Variants in CCDC172 observed in about 807,000 individuals in gnomAD.
CCDC172 encodes the protein coiled-coil domain-containing protein 172.
In CCDC172, 30 loss-of-function variants were observed where a neutral mutation model predicts 38.0. The observed-to-expected ratio is 0.79, with a 90% CI of 0.59 to 1.07. The LOEUF (loss-of-function observed/expected upper bound fraction) is 1.07. CCDC172 is among the 50% of genes least tolerant of loss of function. The probability of loss-of-function intolerance (pLI) is 0.00; values close to 1 mark genes in which losing one functional copy is unlikely to be tolerated. For synonymous variants in CCDC172, 78 were observed against 88.3 expected, an observed-to-expected ratio of 0.88 and a Z score of 0.66; for missense variants, 297 against 290.1, an observed-to-expected ratio of 1.02 and a Z score of -0.17.
chr10:116,361,137 G>A (rs1011063248), intron 7 of CCDC172, among the ~76,000 whole-genome samples: 6 of 150,588 alleles, frequency 4.0e-5, no homozygotes, highest in South Asian at 2.1e-4. Flanking sequence ...GGCATGCACC[G>A]CCACGCCTGA....
chr10:116,353,009 T>A (rs957959449), intron 5 of CCDC172, among the ~76,000 whole-genome samples: 1 of 152,054 alleles, frequency 6.6e-6, no homozygotes, highest in East Asian at 1.9e-4. Context: ...CTGGCTAACA[T>A]GGTGAAACCC....
chr10:116,373,522 T>G (rs1845211209), intron 7 of CCDC172, among the ~76,000 whole-genome samples: 1 of 152,220 alleles, frequency 6.6e-6, no homozygotes, highest in Non-Finnish European at 1.5e-5. Flanking sequence ...TTTATTTTTT[T>G]GAGACACAGT....
At chr10:116,368,596 CT>C (rs535783835) in intron 7 of CCDC172, among the ~76,000 whole-genome samples, 9 of 152,064 alleles carry the variant, frequency 5.9e-5, no homozygotes, top group Middle Eastern at 3.4e-3. Context: ...TTAAAAACCA[CT>C]TTTTTTCTGG....
At chr10:116,332,587 T>G (rs1431104500) in intron 3 of CCDC172, among the ~76,000 whole-genome samples, 1 of 152,182 alleles carries the variant, frequency 6.6e-6, no homozygotes, top group Non-Finnish European at 1.5e-5. Flanking sequence ...AGCACTATTA[T>G]ATTCTGAAAT....
At chr10:116,361,817 G>A (rs955226312) in intron 7 of CCDC172, among the ~76,000 whole-genome samples, 2 of 152,020 alleles carry the variant, frequency 1.3e-5, no homozygotes, top group African/African-American at 4.8e-5. Flanking sequence ...AACTCAATAT[G>A]GTATTAACAT....
chr10:116,325,883 T>C (rs1397587727), intron 3 of CCDC172, among the ~76,000 whole-genome samples: 1 of 152,212 alleles, frequency 6.6e-6, no homozygotes, highest in Non-Finnish European at 1.5e-5. Context: ...GCAGCGTTTG[T>C]AATGTTCTGT....
chr10:116,374,420 T>C (rs570134360), intron 7 of CCDC172, among the ~76,000 whole-genome samples: 14 of 152,234 alleles, frequency 9.2e-5, no homozygotes, highest in African/African-American at 2.9e-4. Flanking sequence ...TCATAATTGT[T>C]CTATTTTATT....
intron 3 of CCDC172, among the ~76,000 whole-genome samples, chr10:116,329,045 A>G (rs1844624938): frequency 1.3e-5 from 2 of 152,198 alleles, no homozygotes; most frequent in African/African-American, 2.4e-5. Flanking sequence ...AATAAATTAT[A>G]TAACACCTTC....
chr10:116,329,433 T>C (rs1844630210), intron 3 of CCDC172, among the ~76,000 whole-genome samples: 1 of 152,100 alleles, frequency 6.6e-6, no homozygotes, highest in Admixed American at 6.6e-5. Flanking sequence ...TTAGCTGTTA[T>C]TCTGTCATGC....
chr10:116,325,081 A>G lies in CCDC172; in HGVS notation c.70A>G (p.Met24Val), dbSNP rs768257743. The G allele has an allele frequency of 5.6e-6, 9 of 1,613,954 alleles. No individual in the cohort carries two copies. The highest frequency in any genetic ancestry group is 3.3e-4 in the Middle Eastern group (2 of 6,062). ...TCAGGCGGAGGAGAGTCGCCGTTTG[A>G]TGCGAGAAGGTCGGGGTATTTCTGT... is the stretch of plus-strand genomic sequence containing the variant. ...EHQAEESRRL[M>V]REVRSEITRC... Residue 24 changes from methionine (M) to valine (V), a missense_variant, in exon 2 of 9, where the codon ATG becomes GTG. Physicochemically the swap from Met to Val is conservative, Grantham distance 21. Coordinates refer to ENST00000333254, the MANE Select transcript of CCDC172 (RefSeq NM_198515.3).
At chr10:116,370,698 C>G (rs527585704) in intron 7 of CCDC172, among the ~76,000 whole-genome samples, 1 of 151,126 alleles carries the variant, frequency 6.6e-6, no homozygotes, top group Non-Finnish European at 1.5e-5. Flanking sequence ...GATTAAAGAG[C>G]CTTATTTGAA....
chr10:116,358,065 G>A (rs1399400486), intron 7 of CCDC172, 127 bp downstream of exon 7: 7 of 595,954 alleles, frequency 1.2e-5, no homozygotes, highest in East Asian at 6.2e-5. Context: ...TTTCTTCTCT[G>A]TGTATTCTGA....
At chr10:116,367,474 G>A (rs529235798) in intron 7 of CCDC172, among the ~76,000 whole-genome samples, 1 of 152,250 alleles carries the variant, frequency 6.6e-6, no homozygotes, top group African/African-American at 2.4e-5. Context: ...CGGATCACAA[G>A]GTCAGGGGAT....
intron 5 of CCDC172, among the ~76,000 whole-genome samples, chr10:116,355,088 G>A (rs1264489034): frequency 6.6e-6 from 1 of 152,186 alleles, no homozygotes; most frequent in East Asian, 1.9e-4. Context: ...AAGTAGTGTA[G>A]CCTAAGCGTA....
chr10:116,371,400 T>A (rs61864801), intron 7 of CCDC172, among the ~76,000 whole-genome samples: 1 of 151,722 alleles, frequency 6.6e-6, no homozygotes, highest in Non-Finnish European at 1.5e-5. Context: ...TCCTAATAGA[T>A]CTTAGTGTAT....
rs187136006 is a variant in CCDC172 at position 116,372,554 on chromosome 10, C to T, written c.654-5869C>T. Among the ~76,000 whole-genome samples the T allele has an allele frequency of 3.6e-3, 552 of 152,196 alleles. 2 individuals carry two copies. Among genetic ancestry groups the T allele is most frequent in the African/African-American group, 0.013 (524 of 41,530 alleles). Reference sequence around the variant, plus strand: ...AATGGAATAATATGCTATGTATCCTCTTCGGTCTGGCTTTTTAGATTTACC... The same window carrying T: ...AATGGAATAATATGCTATGTATCCTTTTCGGTCTGGCTTTTTAGATTTACC... On this transcript the variant is annotated intron_variant, in intron 7 of 8. Coordinates refer to ENST00000333254, the MANE Select transcript of CCDC172 (RefSeq NM_198515.3).
chr10:116,340,994 T>TTAA, intron 4 of CCDC172, 144 bp downstream of exon 4: 2 of 634,762 alleles, frequency 3.2e-6, no homozygotes, highest in Admixed American at 5.7e-5. Context: ...TAAGTGCTAT[T>TTAA]TAAAACCAAT....
intron 5 of CCDC172, among the ~76,000 whole-genome samples, chr10:116,355,029 TAAAG>T (rs1455789267): frequency 6.6e-6 from 1 of 152,228 alleles, no homozygotes; most frequent in Non-Finnish European, 1.5e-5. Flanking sequence ...CTTAAAAAGT[TAAAG>T]AAAGTGAAAG....
chr10:116,326,325 G>A (rs1487996651), intron 3 of CCDC172, among the ~76,000 whole-genome samples: 1 of 152,142 alleles, frequency 6.6e-6, no homozygotes, highest in Non-Finnish European at 1.5e-5. Context: ...TATTATTTAA[G>A]TGTGCCACAA....
Sources: allele counts gnomAD v4.1 joint callset (sites outside exome capture counted in the v4.1 genomes callset), GRCh38; gene constraint gnomAD v4.1.1; transcripts MANE v1.5; gene names NCBI Gene and HGNC (gene_info 2026-07-23, HGNC 2026-07-21).